Variants in IRF2 observed in about 807,000 individuals in gnomAD.
IRF2 encodes the protein interferon regulatory factor 2.
A neutral mutation model predicts 40.6 loss-of-function variants in IRF2; 15 were observed. The ratio of observed to expected loss-of-function variants is 0.37; its 90% CI spans 0.25 to 0.57. The LOEUF (loss-of-function observed/expected upper bound fraction) is 0.57. IRF2 is among the 20% of genes least tolerant of loss of function. The probability of loss-of-function intolerance (pLI) is 0.77; values close to 1 mark genes in which losing one functional copy is unlikely to be tolerated. For missense variants in IRF2, 317 were observed against 455.7 expected, an observed-to-expected ratio of 0.70 and a Z score of 2.77; for synonymous variants, 151 against 165.5, an observed-to-expected ratio of 0.91 and a Z score of 0.67.
At chr4:184,466,053 G>GTT (rs1432811090) in intron 1 of IRF2, among the ~76,000 whole-genome samples, 10 of 108,184 alleles carry the variant, frequency 9.2e-5, no homozygotes, top group African/African-American at 3.4e-4. Context: ...CCATCTGGTT[G>GTT]TTTTTTGTTT....
At chr4:184,426,419 A>G (rs571246182) in intron 2 of IRF2, among the ~76,000 whole-genome samples, 3 of 152,234 alleles carry the variant, frequency 2.0e-5, no homozygotes, top group African/African-American at 7.2e-5. Flanking sequence ...CAGTCCTCAC[A>G]TGCCCCTCTC....
At chr4:184,400,260 G>A (rs1736619291) in intron 6 of IRF2, among the ~76,000 whole-genome samples, 1 of 152,028 alleles carries the variant, frequency 6.6e-6, no homozygotes, top group African/African-American at 2.4e-5. Context: ...CTATTAATCT[G>A]TTCCCCATTT....
At chr4:184,446,006 G>C (rs770544937) in intron 1 of IRF2, among the ~76,000 whole-genome samples, 2 of 152,122 alleles carry the variant, frequency 1.3e-5, no homozygotes, top group Non-Finnish European at 2.9e-5. Context: ...ATAGAAGAAA[G>C]GAGAATGTTG....
chr4:184,461,435 A>T (rs1739140686), intron 1 of IRF2, among the ~76,000 whole-genome samples: 1 of 152,240 alleles, frequency 6.6e-6, no homozygotes, highest in African/African-American at 2.4e-5. Context: ...ACAGATAAGT[A>T]AAATCGTTTC....
At chr4:184,452,817 TAGAG>T (rs72115777) in intron 1 of IRF2, among the ~76,000 whole-genome samples, 2,809 of 82,420 alleles carry the variant, frequency 0.034, 153 homozygotes, top group East Asian at 0.3. Flanking sequence ...AAAGAAGAAA[TAGAG>T]AGAGAAGAAA....
chr4:184,436,774 G>T (rs1259340288), intron 1 of IRF2, among the ~76,000 whole-genome samples: 1 of 152,182 alleles, frequency 6.6e-6, no homozygotes, highest in Non-Finnish European at 1.5e-5. Context: ...ACCAACAGGG[G>T]TGTCTTCATA....
intron 6 of IRF2, among the ~76,000 whole-genome samples, chr4:184,402,483 T>A (rs530758557): frequency 1.3e-5 from 2 of 152,296 alleles, no homozygotes; most frequent in South Asian, 4.1e-4. Context: ...TATACCCGTA[T>A]GGAGCTTTGA....
chr4:184,464,860 CTTTT>C, intron 1 of IRF2, among the ~76,000 whole-genome samples: 1 of 149,618 alleles, frequency 6.7e-6, no homozygotes, highest in South Asian at 2.1e-4. Flanking sequence ...TTTTCTTCTT[CTTTT>C]TTTTTTCTCT....
chr4:184,425,985 TG>T (rs60533850), intron 2 of IRF2, among the ~76,000 whole-genome samples: 15,983 of 63,094 alleles, frequency 0.25, 1,135 homozygotes, highest in African/African-American at 0.32. Flanking sequence ...GGTTTTTGTT[TG>T]TTTGTTTGTT....
chr4:184,456,882 AC>A (rs1430684568), intron 1 of IRF2, among the ~76,000 whole-genome samples: 6 of 152,248 alleles, frequency 3.9e-5, no homozygotes. Context: ...GAAATAAACC[AC>A]AGGAATATCT....
intron 1 of IRF2, among the ~76,000 whole-genome samples, chr4:184,463,511 T>G (rs1739216365): frequency 6.6e-6 from 1 of 152,378 alleles, no homozygotes; most frequent in African/African-American, 2.4e-5. Context: ...TACTGAAATA[T>G]TTTAGATAAA....
Position 184,388,774 on chromosome 4 carries a change from C to G in IRF2, c.1034G>C (p.Arg345Pro). The G allele has an allele frequency of 2.5e-6, 4 of 1,611,168 alleles. No homozygotes were observed. The highest frequency in any genetic ancestry group is 3.4e-6 in the Non-Finnish European group (4 of 1,179,646). The change falls in exon 9 of 9, where the codon CGC (arginine) becomes CCC (proline). Residue 345 changes from arginine (R) to proline (P), a missense_variant. Coordinates refer to ENST00000393593, the MANE Select transcript of IRF2 (RefSeq NM_002199.4). This position sits in a 1 kb window ranked among gnomAD's most constrained non-coding sequence, Gnocchi z 4.6. ...GTCAGAGGCTTAACAGCTCTTGACGCGGGCCTGGGTGATATCCGATGTTTT... is the reference window on the plus strand; with the variant it reads ...GTCAGAGGCTTAACAGCTCTTGACGGGGGCCTGGGTGATATCCGATGTTTT... The part of the protein sequence containing the change: ...IKKTSDITQA[R>P]VKSC
At chr4:184,395,194 G>A (rs1259428077) in intron 7 of IRF2, among the ~76,000 whole-genome samples, 3 of 151,972 alleles carry the variant, frequency 2.0e-5, no homozygotes, top group Admixed American at 6.6e-5. Flanking sequence ...GGTGGATCAC[G>A]AGGTCAGGAG....
chr4:184,427,160 T>C (rs1737703303), intron 2 of IRF2, among the ~76,000 whole-genome samples: 1 of 152,242 alleles, frequency 6.6e-6, no homozygotes, highest in Non-Finnish European at 1.5e-5. Context: ...ATTTCTTGTT[T>C]GTTTCTTTGG....
chr4:184,390,615 A>G, intron 8 of IRF2, 88 bp downstream of exon 8: 1 of 1,203,722 alleles, frequency 8.3e-7, no homozygotes, highest in South Asian at 1.2e-5. Context: ...TCTAAAGGAA[A>G]GGTGCATAAC....
intron 7 of IRF2, among the ~76,000 whole-genome samples, chr4:184,390,972 C>T (rs904152303): frequency 5.9e-5 from 9 of 152,228 alleles, no homozygotes; most frequent in South Asian, 2.1e-4. Context: ...TGGCCAGGGC[C>T]GGGCTGTGTA....
At chr4:184,456,787 C>T (rs889813620) in intron 1 of IRF2, among the ~76,000 whole-genome samples, 9 of 152,236 alleles carry the variant, frequency 5.9e-5, no homozygotes, top group African/African-American at 2.2e-4. Context: ...CGAGTCTACG[C>T]GAGTCCTGTG....
intron 1 of IRF2, among the ~76,000 whole-genome samples, chr4:184,469,978 G>A (rs1430532909): frequency 6.6e-6 from 1 of 152,136 alleles, no homozygotes; most frequent in Non-Finnish European, 1.5e-5. Flanking sequence ...TTTGTTCTTT[G>A]TTGATAAATT....
At chr4:184,409,351 G>A (rs532406037) in intron 5 of IRF2, among the ~76,000 whole-genome samples, 3 of 152,114 alleles carry the variant, frequency 2.0e-5, no homozygotes, top group Non-Finnish European at 4.4e-5. Context: ...CTAACGGAAG[G>A]AGGGGAAATA....
Sources: allele counts gnomAD v4.1 joint callset (sites outside exome capture counted in the v4.1 genomes callset), GRCh38; gene constraint gnomAD v4.1.1; non-coding constraint Gnocchi (gnomAD v3.1); transcripts MANE v1.5; gene names NCBI Gene and HGNC (gene_info 2026-07-23, HGNC 2026-07-21).